CD99: variants seen among roughly 807,000 people sequenced by gnomAD.
CD99 encodes the protein CD99 antigen.
CD99 carries 19 observed loss-of-function variants against 28.4 expected under a neutral mutation model. The ratio of observed to expected loss-of-function variants is 0.67; its 90% confidence interval spans 0.47 to 0.98. The LOEUF is 0.98. CD99 is among the 50% of genes least tolerant of loss of function. CD99 has a pLI of 0.00. For missense variants in CD99, 283 were observed against 248.8 expected, an observed-to-expected ratio of 1.14 and a Z score of -0.92; for synonymous variants, 103 against 92.1, an observed-to-expected ratio of 1.12 and a Z score of -0.67.
chrX:2,733,430 C>T (rs2049778570), intron 8 of CD99: 2 of 1,544,868 alleles, frequency 1.3e-6, no homozygotes, highest in African/African-American at 1.4e-5. Flanking sequence ...ATCGTTTTAT[C>T]TGCTAAGACA....
At chrX:2,711,441 GTA>G (rs4061822) in intron 1 of CD99, among the ~76,000 whole-genome samples, 3 of 146,814 alleles carry the variant, frequency 2.0e-5, no homozygotes, top group Non-Finnish European at 1.5e-5. Flanking sequence ...GTGTATGTGT[GTA>G]TATATATATA....
intron 3 of CD99, chrX:2,718,152 G>C (rs1315381249): frequency 6.2e-6 from 1 of 161,262 alleles, no homozygotes; most frequent in Non-Finnish European, 1.4e-5. Flanking sequence ...TGTCGGCCAG[G>C]CTGGTCTTGA....
At chrX:2,725,540 G>A (rs1378283347) in intron 7 of CD99, among the ~76,000 whole-genome samples, 1 of 152,228 alleles carries the variant, frequency 6.6e-6, no homozygotes, top group Admixed American at 6.5e-5. Context: ...AGCATTGCAG[G>A]TCTTTGCTTC....
rs762006154 is a variant in CD99, at chrX:2,708,568, T to C, written c.68-5854T>C. 1.1e-4 allele frequency among the ~76,000 whole-genome samples: 17 copies of C among 152,260 alleles called. No individual in the cohort carries two copies. The South Asian group carries it at 1.7e-3, about 15-fold the overall frequency. On this transcript the variant is annotated intron_variant, in intron 1 of 9. Transcript: ENST00000381192. ...GTCCTTCAGGCATCCTGGAGTGACA[T>C]TGAAATTGTTTCAATTAAAAACTGT...
intron 8 of CD99, among the ~76,000 whole-genome samples, chrX:2,737,059 C>T (rs2049981230): frequency 6.6e-6 from 1 of 151,810 alleles, no homozygotes; most frequent in African/African-American, 2.4e-5. Context: ...GAAGGGGGGA[C>T]AGGAGAGCCA....
At chrX:2,715,764 G>C (rs1434428154) in intron 2 of CD99, among the ~76,000 whole-genome samples, 5 of 152,118 alleles carry the variant, frequency 3.3e-5, no homozygotes, top group African/African-American at 1.2e-4. Context: ...AGGGCTTCAC[G>C]TGTCCCTGTG....
At chrX:2,703,605 AGTGTGTGTGTGTGTGT>A (rs556444956) in intron 1 of CD99, among the ~76,000 whole-genome samples, 1,608 of 138,492 alleles carry the variant, frequency 0.012, 13 homozygotes, top group Non-Finnish European at 0.013. Flanking sequence ...CGAGCTGTTA[AGTGTGTGTGTGTGTGT>A]GTGTGTGTGT....
At chrX:2,739,115 G>A (rs781495481) in intron 9 of CD99, among the ~76,000 whole-genome samples, 3 of 151,930 alleles carry the variant, frequency 2.0e-5, no homozygotes, top group South Asian at 4.2e-4. Context: ...GCAACCCTCC[G>A]ACCTCAGCTT....
chrX:2,733,915 T>G (rs1017804882), intron 8 of CD99, among the ~76,000 whole-genome samples: 9 of 152,222 alleles, frequency 5.9e-5, no homozygotes, highest in Admixed American at 3.3e-4. Flanking sequence ...TGATCAGTGT[T>G]CCAAACAGGT....
At chrX:2,726,138 G>A (rs886555624) in intron 7 of CD99, 122 bp from the exon 8 acceptor site, 98 of 650,804 alleles carry the variant, frequency 1.5e-4, no homozygotes, top group African/African-American at 1.3e-3. Context: ...CAGCTCAGGC[G>A]TCTGAGATGT....
In CD99 at chrX:2,699,781, C is replaced by T. The variant is rs918679759; in HGVS notation, c.67+8354C>T. 9.9e-5 allele frequency among the ~76,000 whole-genome samples: 15 copies of T among 152,178 alleles called. 1 individual carries two copies. The highest frequency in any genetic ancestry group is 7.7e-4 in the East Asian group (4 of 5,196). ...TATTAGGAATTTTTAAAAAGCCCCT[C>T]GGAGGGTCTTCATGTGTGGCTGAGT... On this transcript the variant is annotated intron_variant, in intron 1 of 9. Transcript: ENST00000381192.
intron 8 of CD99, among the ~76,000 whole-genome samples, chrX:2,730,374 G>A (rs746816938): frequency 7.2e-5 from 11 of 152,018 alleles, no homozygotes; most frequent in African/African-American, 1.7e-4. Flanking sequence ...GAGTTTTGCC[G>A]TGTTAGCCAG....
chrX:2,717,513 T>A (rs1157092734), intron 2 of CD99, 92 bp from the exon 3 acceptor site: 1 of 1,043,734 alleles, frequency 9.6e-7, no homozygotes, highest in African/African-American at 1.6e-5. Context: ...TCCGACTGTT[T>A]CCAAGAAAAT....
chrX:2,738,051 C>T (rs1418700658), intron 8 of CD99, 149 bp from the exon 9 acceptor site: 2 of 775,528 alleles, frequency 2.6e-6, no homozygotes, highest in African/African-American at 1.7e-5. Flanking sequence ...ACTCCATGTT[C>T]CCAGTGGGTC....
At chrX:2,729,423 G>A (rs1335183944) in intron 8 of CD99, among the ~76,000 whole-genome samples, 1 of 90,922 alleles carries the variant, frequency 1.1e-5, no homozygotes, top group Admixed American at 9.8e-5. Context: ...GCATGGCTGG[G>A]GAGGCCTCAG....
Position 2,691,304 on chromosome X carries a change from G to T in CD99, c.-57G>T. 2.1e-6 allele frequency: 3 copies of T among 1,440,378 alleles called. No individual in the cohort carries two copies. Among genetic ancestry groups the T allele is most frequent in the Non-Finnish European group, 2.8e-6 (3 of 1,083,560 alleles). The allele number at this position is 1,440,378 out of a possible 1,614,324, so 89.2% of individuals were successfully genotyped here. A position where few individuals can be genotyped will look rare whatever the true frequency, so the allele number is the denominator to read the frequency against. On this transcript the variant is annotated 5_prime_UTR_variant, in exon 1 of 10. Coordinates refer to ENST00000381192, the MANE Select transcript of CD99 (RefSeq NM_002414.5). ...CGGCCCGTGGGGGAGTATCTGTCCT[G>T]CCGCCTTCGCCCACGCCCTGCACTC...
chrX:2,725,014 A>G (rs1008296035), intron 7 of CD99, among the ~76,000 whole-genome samples: 1 of 151,470 alleles, frequency 6.6e-6, no homozygotes, highest in African/African-American at 2.4e-5. Flanking sequence ...GTGAGCCGAG[A>G]TCGCACCACT....
intron 9 of CD99, among the ~76,000 whole-genome samples, chrX:2,739,318 T>C (rs2050094044): frequency 6.6e-6 from 1 of 152,222 alleles, no homozygotes; most frequent in African/African-American, 2.4e-5. Flanking sequence ...TGTGTGTGTA[T>C]ATGTGCGTGT....
At chrX:2,732,649 C>G (rs2049694343) in intron 8 of CD99, among the ~76,000 whole-genome samples, 1 of 137,920 alleles carries the variant, frequency 7.3e-6, no homozygotes, top group Admixed American at 7.2e-5. Flanking sequence ...TCCTTTTTCT[C>G]TCTTCCTTTT....
Sources: allele counts gnomAD v4.1 joint callset (sites outside exome capture counted in the v4.1 genomes callset), GRCh38; gene constraint gnomAD v4.1.1; transcripts MANE v1.5; gene names NCBI Gene and HGNC (gene_info 2026-07-23, HGNC 2026-07-21).